Variants in RPS6KA2 observed in about 807,000 individuals in gnomAD.
RPS6KA2 encodes the protein ribosomal protein S6 kinase A2.
Under a neutral mutation model 91.8 loss-of-function variants are expected in RPS6KA2, and 42 were observed. The observed-to-expected ratio is 0.46, with a 90% CI of 0.36 to 0.59. The LOEUF (loss-of-function observed/expected upper bound fraction) is 0.59, where lower values mean the gene tolerates loss of function less well. Ranked by LOEUF, RPS6KA2 falls within the 20% of genes least tolerant of loss-of-function variation. The pLI is 0.00. For synonymous variants in RPS6KA2, 414 were observed against 393.6 expected (o/e 1.05, Z -0.61); for missense variants, 798 against 978.5 (o/e 0.82, Z 2.46).
chr6:166,444,391 T>C (rs1201685936), intron 14 of RPS6KA2, among the ~76,000 whole-genome samples: 1 of 152,234 alleles, frequency 6.6e-6, no homozygotes, highest in Non-Finnish European at 1.5e-5. Context: ...CTCCCTGGGT[T>C]GGTTATAAAA....
At chr6:166,794,555 T>C (rs76743938) in intron 2 of RPS6KA2, among the ~76,000 whole-genome samples, 116,995 of 147,390 alleles carry the variant, frequency 0.79, 46,766 homozygotes, top group East Asian at 0.98. Flanking sequence ...CACATGCACA[T>C]GTATGTTTAT....
intron 2 of RPS6KA2, among the ~76,000 whole-genome samples, chr6:166,800,219 A>G (rs982688892): frequency 6.6e-6 from 1 of 152,214 alleles, no homozygotes; most frequent in African/African-American, 2.4e-5. Flanking sequence ...AATTAGGCCA[A>G]CGTACCAGGA....
intron 2 of RPS6KA2, among the ~76,000 whole-genome samples, chr6:166,854,568 G>T (rs1031380733): frequency 2.6e-5 from 4 of 152,166 alleles, no homozygotes; most frequent in African/African-American, 9.7e-5. Flanking sequence ...TGGGAAAACT[G>T]CTGCTGACTT....
At position 166,480,002 on chromosome 6, in the gene RPS6KA2, C is replaced by T. The variant is rs373900011; in HGVS notation, c.907+8831G>A. ...TGTAGACGACGGTAATTCAGTTAAC[C>T]GTCCCTGGGTGATGTGGGTTTCAGC... On this transcript the variant is annotated intron_variant, in intron 10 of 20. Coordinates refer to ENST00000265678, the MANE Select transcript of RPS6KA2 (RefSeq NM_021135.6). 4.6e-5 allele frequency among the ~76,000 whole-genome samples: 7 copies of T among 150,856 alleles called. No individual in the cohort carries two copies. The South Asian group carries it at 1.1e-3, about 23-fold the overall frequency.
intron 1 of RPS6KA2, among the ~76,000 whole-genome samples, chr6:166,570,407 G>A (rs1037432428): frequency 6.6e-6 from 1 of 152,174 alleles, no homozygotes; most frequent in Non-Finnish European, 1.5e-5. Flanking sequence ...TCAGATGTTA[G>A]GGTCACCAAT....
intron 3 of RPS6KA2, among the ~76,000 whole-genome samples, 198 bp from the exon 4 acceptor site, chr6:166,510,555 A>T (rs1292650493): frequency 2.5e-3 from 7 of 2,792 alleles, no homozygotes; most frequent in Non-Finnish European, 4.0e-3. Flanking sequence ...TCTCTCTCTC[A>T]TATATATATA....
intron 1 of RPS6KA2, among the ~76,000 whole-genome samples, chr6:166,597,349 G>A (rs769796499): frequency 1.4e-4 from 22 of 152,150 alleles, no homozygotes; most frequent in Non-Finnish European, 2.2e-4. Context: ...AGTCACTGAA[G>A]GGAGAAAAAA....
chr6:166,851,215 T>C (rs78488082), intron 2 of RPS6KA2, among the ~76,000 whole-genome samples: 14,735 of 152,176 alleles, frequency 0.097, 707 homozygotes, highest in Non-Finnish European at 0.1. Flanking sequence ...GCCAGTCCTC[T>C]GCAGGCAGGA....
At chr6:166,478,210 T>C (rs1196457387) in intron 10 of RPS6KA2, among the ~76,000 whole-genome samples, 1 of 152,224 alleles carries the variant, frequency 6.6e-6, no homozygotes, top group Non-Finnish European at 1.5e-5. Context: ...GCCTGCCACC[T>C]GAGGCGGCAC....
intron 14 of RPS6KA2, among the ~76,000 whole-genome samples, chr6:166,440,827 G>T (rs1370921959): frequency 6.6e-6 from 1 of 152,242 alleles, no homozygotes; most frequent in African/African-American, 2.4e-5. Context: ...TCGCGGCAAA[G>T]TTATCTCGGG....
chr6:166,715,983 A>G (rs995558207), intron 2 of RPS6KA2, among the ~76,000 whole-genome samples: 4 of 144,268 alleles, frequency 2.8e-5, no homozygotes, highest in African/African-American at 1.0e-4. Context: ...GGTTGCAGTG[A>G]GCCGAGACTG....
At chr6:166,556,561 C>T (rs1475296310) in intron 1 of RPS6KA2, among the ~76,000 whole-genome samples, 1 of 152,182 alleles carries the variant, frequency 6.6e-6, no homozygotes, top group Non-Finnish European at 1.5e-5. Context: ...AGAATCCCAC[C>T]ACTAACCTAT....
intron 12 of RPS6KA2, among the ~76,000 whole-genome samples, chr6:166,458,593 G>A (rs542571067): frequency 6.6e-6 from 1 of 152,316 alleles, no homozygotes; most frequent in East Asian, 1.9e-4. Context: ...AAGAGGACTA[G>A]TGTCCTTATA....
intron 10 of RPS6KA2, among the ~76,000 whole-genome samples, chr6:166,474,303 A>G (rs1288213704): frequency 6.6e-6 from 1 of 152,242 alleles, no homozygotes; most frequent in Non-Finnish European, 1.5e-5. Context: ...GGAAAACAGT[A>G]ACAAGAGCAA....
upstream of RPS6KA2, among the ~76,000 whole-genome samples, chr6:166,630,263 C>T (rs910970107): frequency 5.3e-5 from 8 of 152,210 alleles, no homozygotes; most frequent in Non-Finnish European, 8.8e-5. Context: ...GCCACATTCT[C>T]GGGGCACCCC....
chr6:166,772,787 A>G (rs1375481069), intron 2 of RPS6KA2, among the ~76,000 whole-genome samples: 1 of 152,200 alleles, frequency 6.6e-6, no homozygotes, highest in East Asian at 1.9e-4. Context: ...GGTCCCTCAT[A>G]AAAAGACACA....
intron 10 of RPS6KA2, among the ~76,000 whole-genome samples, chr6:166,474,211 C>T (rs1428471894): frequency 1.1e-4 from 16 of 152,074 alleles, no homozygotes; most frequent in Non-Finnish European, 5.9e-5. Context: ...CCCAGCAATG[C>T]CAGTAGAAAC....
chr6:166,850,303 T>C (rs1780707076), intron 2 of RPS6KA2, among the ~76,000 whole-genome samples: 1 of 149,616 alleles, frequency 6.7e-6, no homozygotes, highest in South Asian at 2.2e-4. Flanking sequence ...ACACACAGCA[T>C]TATCTATGGG....
At chr6:166,430,759 A>G (rs1294399411) in intron 15 of RPS6KA2, 148 bp from the exon 16 acceptor site, 14 of 710,010 alleles carry the variant, frequency 2.0e-5, no homozygotes, top group Non-Finnish European at 2.9e-5. Context: ...TCTGCAGGGT[A>G]GAAGCAAATG....
Sources: gnomAD v4.1 joint callset for allele counts (sites outside exome capture counted in the v4.1 genomes callset) on GRCh38, gnomAD v4.1.1 for gene constraint, MANE v1.5 for transcripts, NCBI Gene and HGNC (gene_info 2026-07-23, HGNC 2026-07-21) for gene names.